The following ZBTB46 variants were observed in gnomAD, a reference collection of about 807,000 sequenced individuals.
The protein encoded by ZBTB46 is zinc finger and BTB domain containing 46.
Under a neutral mutation model 44.1 loss-of-function variants are expected in ZBTB46, and 8 were observed. The observed-to-expected ratio is 0.18, with a 90% CI of 0.11 to 0.33. ZBTB46 has a LOEUF of 0.33. Ranked by LOEUF, ZBTB46 falls within the 10% of genes least tolerant of loss-of-function variation. ZBTB46 has a pLI of 1.00. For synonymous variants in ZBTB46, 409 were observed against 382.3 expected (o/e 1.07, Z -0.81); for missense variants, 651 against 847.7 (o/e 0.77, Z 2.88).
rs1293172883 is a variant in ZBTB46, at chr20:63,790,221, A to C, written c.537T>G (p.Asn179Lys). 6.2e-7 allele frequency: 1 copy of C among 1,612,384 alleles called. No individual in the cohort carries two copies. The highest frequency in any genetic ancestry group is 1.7e-5 in the Admixed American group (1 of 59,970). ...PWLARRTSPANSSGDSAIASC... is the reference protein window; with the variant it reads ...PWLARRTSPAKSSGDSAIASC... ...TGGCGATGGCCGAGTCTCCGGAAGA[A>C]TTGGCAGGACTCGTTCGCCGTGCCA... Residue 179 changes from asparagine to lysine, a missense_variant, in exon 2 of 5, where the codon AAT (asparagine) becomes AAG (lysine). Around this residue, in one of 5 missense-constraint regions of ZBTB46, gnomAD observed 385 missense variants for 423.3 expected, o/e 0.91. Coordinates refer to ENST00000245663, the MANE Select transcript of ZBTB46 (RefSeq NM_001369741.1).
rs372298285 is a variant in ZBTB46, at chr20:63,799,498, C to T, written c.-33-8708G>A. Among the ~76,000 whole-genome samples, 10 of 152,096 alleles carry T rather than the reference C, an allele frequency of 6.6e-5. No homozygotes were observed. The South Asian group carries it at 2.1e-3, about 32-fold the overall frequency. ...GGGAAGCTGGGATTACAGGTGTGTG[C>T]CACCACACCCAGCTAATTTTTGTAA... On this transcript the variant is annotated intron_variant, in intron 1 of 4. Coordinates refer to ENST00000245663, the MANE Select transcript of ZBTB46 (RefSeq NM_001369741.1).
At chr20:63,786,937 C>T (rs1342298216) in intron 2 of ZBTB46, among the ~76,000 whole-genome samples, 1 of 152,172 alleles carries the variant, frequency 6.6e-6, no homozygotes, top group Non-Finnish European at 1.5e-5. Flanking sequence ...TGGGCCTGAG[C>T]GACTGCACGT....
At chr20:63,830,990 CG>C (rs1027863059) in intron 1 of ZBTB46, 106 bp downstream of exon 1, 15 of 141,874 alleles carry the variant, frequency 1.1e-4, no homozygotes, top group Non-Finnish European at 2.0e-4. Flanking sequence ...GCGGCGGGGG[CG>C]CGCCCGGGCT....
At position 63,761,488 on chromosome 20, in the gene ZBTB46, G is replaced by A. The variant is rs1012830949; in HGVS notation, c.1223-8627C>T. ...TACAGCATTTTTTCATTATCATTCA[G>A]TTAAAAATATTTTGGCCAGGCACGG... is the stretch of plus-strand genomic sequence containing the variant. On this transcript the variant is annotated intron_variant, in intron 3 of 4. Transcript: ENST00000245663. Among the ~76,000 whole-genome samples the A allele has an allele frequency of 1.3e-4, 20 of 151,770 alleles. 1 individual carries two copies. The highest frequency in any genetic ancestry group is 4.3e-4 in the African/African-American group (18 of 41,408).
In ZBTB46 at chr20:63,791,421, G is replaced by A. The variant is rs529946984; in HGVS notation, c.-33-631C>T. Among the ~76,000 whole-genome samples, 500 of 151,390 alleles carry A rather than the reference G, an allele frequency of 3.3e-3. 4 individuals are homozygous for A. The highest frequency in any genetic ancestry group is 0.011 in the African/African-American group (459 of 41,200). ...TGAGGCAGGAGAATGGCGTGAACCC[G>A]GGAGGCGGAGCCTGCAGTGAGCCGA... On this transcript the variant is annotated intron_variant, in intron 1 of 4. Coordinates refer to ENST00000245663, the MANE Select transcript of ZBTB46 (RefSeq NM_001369741.1).
intron 1 of ZBTB46, among the ~76,000 whole-genome samples, chr20:63,804,952 C>T (rs67835080): frequency 0.17 from 25,589 of 146,866 alleles, 2,728 homozygotes; most frequent in East Asian, 0.44. Context: ...GAAGGAGTCT[C>T]GCTCTGTTGC....
chr20:63,821,968 C>G (rs1170413850), intron 1 of ZBTB46, among the ~76,000 whole-genome samples: 1 of 152,200 alleles, frequency 6.6e-6, no homozygotes, highest in African/African-American at 2.4e-5. Context: ...CCGCAGCCTG[C>G]CCCAAGCACT....
chr20:63,788,986 T>C (rs989165002), intron 2 of ZBTB46, among the ~76,000 whole-genome samples: 2 of 151,304 alleles, frequency 1.3e-5, no homozygotes, highest in Admixed American at 6.6e-5. Flanking sequence ...CAGGCTACTT[T>C]TCTGTATTTT....
chr20:63,790,825 GC>G (rs1252882842), intron 1 of ZBTB46, 35 bp from the exon 2 acceptor site: 1 of 1,490,526 alleles, frequency 6.7e-7, no homozygotes, highest in African/African-American at 1.4e-5. Flanking sequence ...CCCAAGCTCA[GC>G]ACAGACAGAG....
At chr20:63,778,585 G>A (rs1354352804) in intron 2 of ZBTB46, among the ~76,000 whole-genome samples, 4 of 152,142 alleles carry the variant, frequency 2.6e-5, no homozygotes, top group South Asian at 2.1e-4. Context: ...CAGGGCCCCC[G>A]TCAGGCAGCA....
chr20:63,812,734 AC>A (rs1356597093), intron 1 of ZBTB46, among the ~76,000 whole-genome samples: 1 of 151,946 alleles, frequency 6.6e-6, no homozygotes, highest in East Asian at 1.9e-4. Context: ...AGCCAAGACC[AC>A]CCCACTGCAC....
At chr20:63,829,073 G>A (rs1038406681) in intron 1 of ZBTB46, among the ~76,000 whole-genome samples, 5 of 152,288 alleles carry the variant, frequency 3.3e-5, no homozygotes, top group South Asian at 4.1e-4. Context: ...TACCCCCCAC[G>A]GCATTTCCTC....
intron 4 of ZBTB46, 42 bp from the exon 5 acceptor site, chr20:63,747,343 G>C (rs1183691166): frequency 7.4e-7 from 1 of 1,353,250 alleles, no homozygotes; most frequent in African/African-American, 1.9e-5. Flanking sequence ...CTGGTGGGTT[G>C]GGGGGCGGGG....
chr20:63,749,730 GCC>G (rs1188826926), intron 4 of ZBTB46, among the ~76,000 whole-genome samples: 1 of 152,250 alleles, frequency 6.6e-6, no homozygotes, highest in Non-Finnish European at 1.5e-5. Flanking sequence ...GTGCACACAG[GCC>G]CAGGAAGGGT....
intron 3 of ZBTB46, among the ~76,000 whole-genome samples, chr20:63,773,204 C>CAAATTGTT (rs113481483): frequency 0.27 from 39,785 of 149,460 alleles, 5,651 homozygotes; most frequent in African/African-American, 0.36. Context: ...AAAGCACAAA[C>CAAATTGTT]AAATTGTTTC....
At chr20:63,791,838 C>A (rs2092563443) in intron 1 of ZBTB46, among the ~76,000 whole-genome samples, 1 of 152,214 alleles carries the variant, frequency 6.6e-6, no homozygotes, top group South Asian at 2.1e-4. Flanking sequence ...TCTCCTGTCT[C>A]TCCTTAGACT....
chr20:63,769,107 A>G, intron 3 of ZBTB46: 1 of 756,126 alleles, frequency 1.3e-6, no homozygotes, highest in Middle Eastern at 6.8e-4. Context: ...GGGCACATGG[A>G]GAGCAGGTGC....
At chr20:63,786,158 A>C (rs1242627158) in intron 2 of ZBTB46, among the ~76,000 whole-genome samples, 1 of 152,150 alleles carries the variant, frequency 6.6e-6, no homozygotes, top group East Asian at 1.9e-4. Flanking sequence ...AAACCCCCCA[A>C]AGCCGTGTCT....
At chr20:63,766,535 A>C (rs1392421472) in intron 3 of ZBTB46, among the ~76,000 whole-genome samples, 1 of 43,266 alleles carries the variant, frequency 2.3e-5, no homozygotes, top group Admixed American at 1.8e-4. Flanking sequence ...CATTTTGACC[A>C]AAAAAAAAAA....
Sources: allele counts gnomAD v4.1 joint callset (sites outside exome capture counted in the v4.1 genomes callset), GRCh38; gene constraint gnomAD v4.1.1; regional missense constraint gnomAD v4.1.1; transcripts MANE v1.5; gene names NCBI Gene and HGNC (gene_info 2026-07-23, HGNC 2026-07-21).